Variants in FAM91A1 observed in about 807,000 individuals in gnomAD.
FAM91A1 encodes the protein protein FAM91A1.
In FAM91A1, 41 loss-of-function variants were observed where a neutral mutation model predicts 113.5. The ratio of observed to expected loss-of-function variants is 0.36; its 90% confidence interval spans 0.28 to 0.47. The LOEUF is 0.47. FAM91A1 is among the 20% of genes least tolerant of loss of function. The pLI is 1.00. For synonymous variants in FAM91A1, 307 were observed against 347.9 expected (o/e 0.88, Z 1.31); for missense variants, 696 against 1,001.2 (o/e 0.70, Z 4.11).
intron 22 of FAM91A1, 79 bp downstream of exon 22, chr8:123,809,095 T>C: frequency 6.4e-7 from 1 of 1,558,132 alleles, no homozygotes; most frequent in African/African-American, 1.4e-5. Flanking sequence ...CTTACTTTTA[T>C]TCCACACATG....
intron 14 of FAM91A1, among the ~76,000 whole-genome samples, chr8:123,789,022 T>C (rs906891420): frequency 1.3e-5 from 2 of 152,214 alleles, no homozygotes; most frequent in Non-Finnish European, 2.9e-5. Flanking sequence ...AGGTGACTTA[T>C]TCAGACTTAT....
In FAM91A1 at chr8:123,813,716, T is replaced by TA. The variant is rs1816010434; in HGVS notation, c.*1012_*1013insA. 1 of 152,326 alleles carries TA rather than the reference T, an allele frequency of 6.6e-6. No homozygotes were observed. Among genetic ancestry groups the TA allele is most frequent in the Non-Finnish European group, 1.5e-5 (1 of 68,044 alleles). 9.4% of individuals were successfully genotyped at this position (152,326 alleles called of 1,614,324 possible). On this transcript the variant is annotated 3_prime_UTR_variant, in exon 24 of 24. Coordinates refer to ENST00000334705, the MANE Select transcript of FAM91A1 (RefSeq NM_144963.4). ...GAAAAATGGAATTACTTCAAAGTGT[T>TA]TCTTGAGTCATTGATTCTTTTAGCA...
chr8:123,774,266 C>A (rs972286080), intron 2 of FAM91A1, 102 bp downstream of exon 2: 1 of 892,714 alleles, frequency 1.1e-6, no homozygotes, highest in South Asian at 1.9e-5. Context: ...GAGATTATTC[C>A]ATGTACAGAC....
At chr8:123,774,280 A>G (rs1814927406) in intron 2 of FAM91A1, 116 bp downstream of exon 2, 2 of 774,338 alleles carry the variant, frequency 2.6e-6, no homozygotes, top group African/African-American at 1.8e-5. Flanking sequence ...TACAGACTTT[A>G]AGAAACTCTA....
chr8:123,813,034 A>G lies in FAM91A1; in HGVS notation c.*330A>G, dbSNP rs115824710. 1,379 of 179,538 alleles carry G rather than the reference A, an allele frequency of 7.7e-3. 20 individuals are homozygous for G. The highest frequency in any genetic ancestry group is 0.03 in the African/African-American group (1,298 of 42,682). 11.1% of individuals were successfully genotyped at this position (179,538 alleles called of 1,614,324 possible). A position where few individuals can be genotyped will look rare whatever the true frequency, so the allele number is the denominator to read the frequency against. ...CTATGAAAATTGCAATGGTAATTTTATATGTTAGTTTATCAAACATAAATC... is the reference window on the plus strand; with the variant it reads ...CTATGAAAATTGCAATGGTAATTTTGTATGTTAGTTTATCAAACATAAATC... On this transcript the variant is annotated 3_prime_UTR_variant, in exon 24 of 24. Transcript: ENST00000334705.
chr8:123,786,033 G>A, intron 11 of FAM91A1: 1 of 421,328 alleles, frequency 2.4e-6, no homozygotes, highest in Non-Finnish European at 4.6e-6. Flanking sequence ...TAGCCAGGCT[G>A]GTGTCGAACT....
intron 8 of FAM91A1, 102 bp downstream of exon 8, chr8:123,780,644 G>A: frequency 1.1e-6 from 1 of 879,058 alleles, no homozygotes. Flanking sequence ...GATATTTCAA[G>A]AAAAATATTG....
chr8:123,775,371 A>G, intron 3 of FAM91A1, 73 bp downstream of exon 3: 2 of 1,540,900 alleles, frequency 1.3e-6, no homozygotes. Context: ...GCAGATGTTC[A>G]CCAGCTCTTC....
At chr8:123,776,854 G>T (rs1365312853) in intron 3 of FAM91A1, among the ~76,000 whole-genome samples, 1 of 152,230 alleles carries the variant, frequency 6.6e-6, no homozygotes, top group Non-Finnish European at 1.5e-5. Flanking sequence ...CCACTAAGTG[G>T]TTGTAGTCTT....
chr8:123,795,542 G>T (rs1378941587), intron 15 of FAM91A1, among the ~76,000 whole-genome samples: 1 of 152,072 alleles, frequency 6.6e-6, no homozygotes, highest in Non-Finnish European at 1.5e-5. Flanking sequence ...GCTTCCTAAG[G>T]CCTCCTCAGA....
intron 20 of FAM91A1, among the ~76,000 whole-genome samples, chr8:123,806,617 A>G (rs1380387164): frequency 1.3e-5 from 2 of 152,140 alleles, no homozygotes; most frequent in African/African-American, 2.4e-5. Flanking sequence ...TTAATTATCT[A>G]GGTCTAAAAT....
rs34024144 is a variant in FAM91A1 at position 123,803,237 on chromosome 8, G to GTTT, written c.1810-2018_1810-2016dup. 9.0e-3 allele frequency among the ~76,000 whole-genome samples: 1,308 copies of GTTT among 145,190 alleles called. 20 individuals carry two copies. The highest frequency in any genetic ancestry group is 0.031 in the African/African-American group (1,255 of 39,892). The stretch of plus-strand genomic sequence containing the variant: ...TACTCTGTAGATCAAGCTAAGTTAG[G>GTTT]TTTTTTTTTTTTTTGGATGGGGGCT... On this transcript the variant is annotated intron_variant, in intron 18 of 23. Coordinates refer to ENST00000334705, the MANE Select transcript of FAM91A1 (RefSeq NM_144963.4).
At chr8:123,787,533 T>A in intron 13 of FAM91A1, 131 bp from the exon 14 acceptor site, 2 of 981,550 alleles carry the variant, frequency 2.0e-6, no homozygotes, top group Non-Finnish European at 3.0e-6. Context: ...CTTTTGTAAT[T>A]GGAAGAATTA....
chr8:123,801,262 G>C (rs1408502783), intron 18 of FAM91A1, among the ~76,000 whole-genome samples: 2 of 152,176 alleles, frequency 1.3e-5, no homozygotes, highest in Non-Finnish European at 2.9e-5. Context: ...TTCTTTGCAT[G>C]TGCTTATTGG....
At chr8:123,792,801 T>G (rs1264951452) in intron 15 of FAM91A1, among the ~76,000 whole-genome samples, 1 of 152,170 alleles carries the variant, frequency 6.6e-6, no homozygotes, top group Non-Finnish European at 1.5e-5. Flanking sequence ...ACCCACTTTT[T>G]CCCCGTATGA....
In FAM91A1 at chr8:123,779,868, T is replaced by C. The variant is rs1815078348; in HGVS notation, c.550-117T>C. ...TGTTTGAATTATAGAGTGATAAATA[T>C]GTAGTTCATTGAGCTAATGACATGT... On this transcript the variant is annotated intron_variant, in intron 6 of 23. Coordinates refer to ENST00000334705, the MANE Select transcript of FAM91A1 (RefSeq NM_144963.4). 8 of 773,602 alleles carry C rather than the reference T, an allele frequency of 1.0e-5. No homozygotes were observed. In the East Asian group the frequency reaches 2.1e-4, roughly 21 times the overall value. The allele number at this position is 773,602 out of a possible 1,614,324, so 47.9% of individuals were successfully genotyped here.
At position 123,799,511 on chromosome 8, in the gene FAM91A1, T is replaced by C. The variant is rs764463239; in HGVS notation, c.1561-9T>C. 2.5e-5 allele frequency: 40 copies of C among 1,607,156 alleles called. No homozygotes were observed. The highest frequency in any genetic ancestry group is 3.2e-5 in the Non-Finnish European group (38 of 1,178,346). Reference sequence around the variant, plus strand: ...TTTTAACTTTATCTTAACTGTTTTATGATTGTAGCATATTGGACCAGCTAT... The same window carrying C: ...TTTTAACTTTATCTTAACTGTTTTACGATTGTAGCATATTGGACCAGCTAT... On this transcript the variant is annotated splice_polypyrimidine_tract_variant and intron_variant, in intron 16 of 23. Coordinates refer to ENST00000334705, the MANE Select transcript of FAM91A1 (RefSeq NM_144963.4).
chr8:123,784,315 A>T (rs900103655), intron 8 of FAM91A1, among the ~76,000 whole-genome samples, 155 bp from the exon 9 acceptor site: 1 of 152,214 alleles, frequency 6.6e-6, no homozygotes, highest in Non-Finnish European at 1.5e-5. Context: ...CGTATTGTAG[A>T]GTTTCAGAAA....
rs1369065887 is a variant in FAM91A1 at position 123,813,370 on chromosome 8, T to C, written c.*666T>C. ...GAAGCTTTAGAAGACTTTCTATTTT[T>C]AAACACCATTTATATGTGGACTTCT... On this transcript the variant is annotated 3_prime_UTR_variant, in exon 24 of 24. Transcript: ENST00000334705. 1 of 152,660 alleles carries C rather than the reference T, an allele frequency of 6.6e-6. No individual in the cohort carries two copies. Among genetic ancestry groups the C allele is most frequent in the African/African-American group, 2.4e-5 (1 of 41,466 alleles). 9.5% of individuals were successfully genotyped at this position (152,660 alleles called of 1,614,324 possible). A position where few individuals can be genotyped will look rare whatever the true frequency, so the allele number is the denominator to read the frequency against.
Sources: allele counts gnomAD v4.1 joint callset (sites outside exome capture counted in the v4.1 genomes callset), GRCh38; gene constraint gnomAD v4.1.1; transcripts MANE v1.5; gene names NCBI Gene and HGNC (gene_info 2026-07-23, HGNC 2026-07-21).